Variants in KNL1 observed in about 807,000 individuals in gnomAD.
The protein encoded by KNL1 is outer kinetochore KNL1 complex subunit KNL1.
A neutral mutation model predicts 201.3 loss-of-function variants in KNL1; 66 were observed. That is an observed-to-expected ratio of 0.33 (90% CI 0.27 to 0.40). KNL1 has a LOEUF of 0.40. Among genes scored for constraint, KNL1 ranks in the 10% least tolerant of loss-of-function variants. The pLI, the probability that KNL1 is intolerant of heterozygous loss-of-function variation, is 1.00. For missense variants in KNL1, 2,815 were observed against 2,690.5 expected (o/e 1.05, Z -1.02); for synonymous variants, 895 against 899.2 (o/e 1.00, Z 0.08).
intron 16 of KNL1, among the ~76,000 whole-genome samples, chr15:40,646,030 T>C (rs1893373673): frequency 1.3e-5 from 2 of 152,218 alleles, no homozygotes; most frequent in South Asian, 4.1e-4. Context: ...ATAAAATACA[T>C]AGGATTCTGG....
At chr15:40,596,903 G>A (rs1357908463) in intron 1 of KNL1, among the ~76,000 whole-genome samples, 1 of 151,012 alleles carries the variant, frequency 6.6e-6, no homozygotes, top group East Asian at 2.0e-4. Flanking sequence ...GGGAGGCTGA[G>A]GCAGGAGAAT....
chr15:40,603,974 T>A (rs1214183769), intron 2 of KNL1, among the ~76,000 whole-genome samples: 1 of 152,230 alleles, frequency 6.6e-6, no homozygotes, highest in Non-Finnish European at 1.5e-5. Context: ...AATGGTAAAC[T>A]GACAAGGCAC....
At chr15:40,598,212 T>A (rs115243232) in intron 1 of KNL1, among the ~76,000 whole-genome samples, 2,109 of 151,898 alleles carry the variant, frequency 0.014, 50 homozygotes, top group African/African-American at 0.048. Context: ...AAGAAAATAT[T>A]TCCAAAGGAG....
At chr15:40,654,753 C>T (rs1893669597) in intron 21 of KNL1, among the ~76,000 whole-genome samples, 156 bp from the exon 22 acceptor site, 1 of 151,960 alleles carries the variant, frequency 6.6e-6, no homozygotes. Context: ...CCTGTAGTCC[C>T]AGCTACTCAG....
In KNL1 at chr15:40,648,810, A is replaced by G. The variant is rs191308655; in HGVS notation, c.6095-1491A>G. 2.0e-5 allele frequency among the ~76,000 whole-genome samples: 3 copies of G among 150,224 alleles called. No homozygotes were observed. In the Admixed American group the frequency reaches 2.0e-4, roughly 10 times the overall value. On this transcript the variant is annotated intron_variant, in intron 17 of 25. Coordinates refer to ENST00000399668, the MANE Select transcript of KNL1 (RefSeq NM_144508.5). ...AAACTTCTGTCTTTCCATTTATTAT[A>G]AAGTCCAAACTTAACTTTCTTTTTT...
chr15:40,624,144 G>A lies in KNL1; in HGVS notation c.3880G>A (p.Ala1294Thr), dbSNP rs949673073. The change falls in exon 10 of 26, where the codon GCT (alanine) becomes ACT (threonine). Residue 1294 changes from alanine to threonine, a missense_variant. Coordinates refer to ENST00000399668, the MANE Select transcript of KNL1 (RefSeq NM_144508.5). ...GGACTTTACAAGTAGTCATGCAACT[G>A]CTGTTTGTGGATCCAGTGATAATTA... ...NVDFTSSHAT[A>T]VCGSSDNYSC... is the part of the protein sequence containing the mutation. 2 of 1,613,880 alleles carry A rather than the reference G, an allele frequency of 1.2e-6. No homozygotes were observed. Among genetic ancestry groups the A allele is most frequent in the African/African-American group, 2.7e-5 (2 of 74,922 alleles).
chr15:40,659,119 A>G (rs1210176476), intron 24 of KNL1, among the ~76,000 whole-genome samples: 1 of 151,622 alleles, frequency 6.6e-6, no homozygotes, highest in Non-Finnish European at 1.5e-5. Context: ...CTCTACTAAA[A>G]ATACAAAATT....
In KNL1 at chr15:40,622,587, G is replaced by T. The variant is rs754128699; in HGVS notation, c.2323G>T (p.Gly775Cys). Residue 775 changes from glycine (G) to cysteine (C), a missense_variant, in exon 10 of 26, where the codon GGT (glycine) becomes TGT (cysteine). Gly to Cys is a radical substitution (Grantham distance 159). Coordinates refer to ENST00000399668, the MANE Select transcript of KNL1 (RefSeq NM_144508.5). ...TKSHTVVIGF[G>C]PSELQELGKT... is the part of the protein sequence containing the mutation. The stretch of plus-strand genomic sequence containing the variant: ...GAGCCACACTGTCGTCATTGGATTT[G>T]GTCCTTCTGAACTACAAGAACTTGG... 3 of 1,610,924 alleles carry T rather than the reference G, an allele frequency of 1.9e-6. No homozygotes were observed. The highest frequency in any genetic ancestry group is 2.5e-6 in the Non-Finnish European group (3 of 1,178,764).
rs553891840 is a variant in KNL1 at position 40,652,364 on chromosome 15, G to A, written c.6415+259G>A. On this transcript the variant is annotated intron_variant, in intron 21 of 25. Coordinates refer to ENST00000399668, the MANE Select transcript of KNL1 (RefSeq NM_144508.5). ...TGCTCTGCAAATAATGGATAAACATGCTACTCATGTCTATTTACTATGAGT... is the reference window on the plus strand; with the variant it reads ...TGCTCTGCAAATAATGGATAAACATACTACTCATGTCTATTTACTATGAGT... Among the ~76,000 whole-genome samples the A allele has an allele frequency of 2.2e-4, 34 of 151,792 alleles. No individual in the cohort carries two copies. In the East Asian group the frequency reaches 5.0e-3, roughly 22 times the overall value.
Position 40,642,422 on chromosome 15 carries a change from C to T in KNL1, c.5798+1395C>T, listed in dbSNP as rs73394788. Among the ~76,000 whole-genome samples the T allele has an allele frequency of 4.9e-3, 744 of 151,720 alleles. 7 individuals carry two copies. Among genetic ancestry groups the T allele is most frequent in the African/African-American group, 0.017 (717 of 41,394 alleles). ...GTCTCAAAAAAAAAAAAAAGAATTA[C>T]GTAGTTTTAAAATCAGAAATTTAAG... is the stretch of plus-strand genomic sequence containing the variant. On this transcript the variant is annotated intron_variant, in intron 14 of 25. Transcript: ENST00000399668.
intron 10 of KNL1, among the ~76,000 whole-genome samples, chr15:40,626,923 C>T (rs1252085574): frequency 6.6e-6 from 1 of 152,082 alleles, no homozygotes; most frequent in African/African-American, 2.4e-5. Flanking sequence ...GAGATTAAGT[C>T]TTGCTCTGTT....
chr15:40,600,910 A>G (rs1356110419), intron 1 of KNL1, among the ~76,000 whole-genome samples: 2 of 152,260 alleles, frequency 1.3e-5, no homozygotes, highest in Non-Finnish European at 2.9e-5. Flanking sequence ...AAGCATTATC[A>G]GCTATGCTAA....
chr15:40,622,330 T>C lies in KNL1; in HGVS notation c.2066T>C (p.Val689Ala). 1 of 1,613,892 alleles carries C rather than the reference T, an allele frequency of 6.2e-7. No individual in the cohort carries two copies. The highest frequency in any genetic ancestry group is 1.1e-5 in the South Asian group (1 of 91,068). The change falls in exon 10 of 26, where the codon GTA (valine) becomes GCA (alanine). Residue 689 changes from valine (V) to alanine (A), a missense_variant. Val to Ala is a moderately conservative substitution (Grantham distance 64). Around this residue, in one of 3 missense-constraint regions of KNL1, gnomAD observed 2,464 missense variants for 2,291.7 expected, o/e 1.08. Coordinates refer to ENST00000399668, the MANE Select transcript of KNL1 (RefSeq NM_144508.5). ...AAACAAATAACTAATAGAAATACAGTATCATGGGAACAATCTTTGTTTTCT... is the reference window on the plus strand; with the variant it reads ...AAACAAATAACTAATAGAAATACAGCATCATGGGAACAATCTTTGTTTTCT... ...LDKQITNRNT[V>A]SWEQSLFSTT...
rs532623099 is a variant in KNL1, at chr15:40,657,054, C to T, written c.6497C>T (p.Pro2166Leu). The T allele has an allele frequency of 1.9e-6, 3 of 1,566,432 alleles. No individual in the cohort carries two copies. The highest frequency in any genetic ancestry group is 1.2e-5 in the South Asian group (1 of 82,898). ...TTTCCTTCCCCAGAGGATCAAGCTC[C>T]TCCTTCCTCCCTTTTAGTTCATAAG... is the stretch of plus-strand genomic sequence containing the variant. ...FQSLLDEDQAPPSSLLVHKLI... is the reference protein window; with the variant it reads ...FQSLLDEDQALPSSLLVHKLI... Residue 2166 changes from proline (P) to leucine (L), a missense_variant, in exon 23 of 26, where the codon CCT becomes CTT. Pro to Leu is a moderately conservative substitution (Grantham distance 98). Transcript: ENST00000399668.
intron 1 of KNL1, among the ~76,000 whole-genome samples, chr15:40,599,703 G>T (rs1246129579): frequency 6.6e-6 from 1 of 151,222 alleles, no homozygotes; most frequent in African/African-American, 2.4e-5. Flanking sequence ...TTCTTCATCT[G>T]TTGAGATGAT....
rs931147842 is a variant in KNL1 at position 40,625,157 on chromosome 15, AACC to A, written c.4897_4899del (p.Thr1633del). Reference sequence around the variant, plus strand: ...ATAAAAAGTCTCATAATGGAGCTGAAACCACCTCTCTACCGCCAAAGACAGTTT... The same window carrying A: ...ATAAAAAGTCTCATAATGGAGCTGAAACCTCTCTACCGCCAAAGACAGTTT... On this transcript the variant is annotated inframe_deletion, in exon 10 of 26. Coordinates refer to ENST00000399668, the MANE Select transcript of KNL1 (RefSeq NM_144508.5). The A allele has an allele frequency of 1.9e-6, 3 of 1,613,992 alleles. No individual in the cohort carries two copies. In the African/African-American group the frequency reaches 4.0e-5, roughly 22 times the overall value.
intron 13 of KNL1, among the ~76,000 whole-genome samples, chr15:40,632,429 G>C (rs1323354498): frequency 6.6e-6 from 1 of 151,864 alleles, no homozygotes; most frequent in Non-Finnish European, 1.5e-5. Flanking sequence ...GGCAACAGGT[G>C]AAATCCTGTA....
chr15:40,644,218 A>T (rs1035392448), intron 14 of KNL1, among the ~76,000 whole-genome samples: 3 of 152,224 alleles, frequency 2.0e-5, no homozygotes, highest in Non-Finnish European at 2.9e-5. Flanking sequence ...AAGCAATAGA[A>T]TCTACGTCAT....
intron 25 of KNL1, among the ~76,000 whole-genome samples, chr15:40,661,206 T>A (rs1192487613): frequency 6.6e-6 from 1 of 151,722 alleles, no homozygotes; most frequent in Non-Finnish European, 1.5e-5. Flanking sequence ...AAACTCTTTG[T>A]TTTTGACTGG....
Sources: allele counts gnomAD v4.1 joint callset (sites outside exome capture counted in the v4.1 genomes callset), GRCh38; gene constraint gnomAD v4.1.1; regional missense constraint gnomAD v4.1.1; transcripts MANE v1.5; gene names NCBI Gene and HGNC (gene_info 2026-07-23, HGNC 2026-07-21).